The following TANC2 variants were observed in gnomAD, a reference collection of about 807,000 sequenced individuals.
The protein encoded by TANC2 is protein TANC2.
TANC2 carries 26 observed loss-of-function variants against 210.5 expected under a neutral mutation model. The observed-to-expected ratio is 0.12, with a 90% CI of 0.09 to 0.17. The LOEUF is 0.17. TANC2 is among the 10% of genes least tolerant of loss of function. The pLI is 1.00. For missense variants in TANC2, 2,129 were observed against 2,608.9 expected (o/e 0.82, Z 4.01); for synonymous variants, 931 against 967.1 (o/e 0.96, Z 0.69).
intron 7 of TANC2, among the ~76,000 whole-genome samples, chr17:63,209,070 A>G (rs2041807199): frequency 2.0e-5 from 3 of 151,754 alleles, no homozygotes; most frequent in South Asian, 2.1e-4. Context: ...CAGTGTTGCA[A>G]TCTTAGCTCA....
At chr17:63,045,058 A>G (rs935984785) in intron 2 of TANC2, among the ~76,000 whole-genome samples, 10 of 152,150 alleles carry the variant, frequency 6.6e-5, no homozygotes, top group African/African-American at 2.4e-4. Flanking sequence ...AATCATTCCG[A>G]AAAAAAATTA....
At chr17:63,400,641 A>AT (rs991197598) in intron 19 of TANC2, among the ~76,000 whole-genome samples, 276 of 149,176 alleles carry the variant, frequency 1.9e-3, no homozygotes, top group African/African-American at 6.2e-3. Flanking sequence ...TTGTAATATG[A>AT]TTTTTTTTTT....
intron 14 of TANC2, among the ~76,000 whole-genome samples, chr17:63,376,814 CTTTTTTTTT>C (rs771564600): frequency 7.9e-6 from 1 of 125,974 alleles, no homozygotes; most frequent in South Asian, 2.5e-4. Context: ...CCACTGTACT[CTTTTTTTTT>C]TTTTTTTTTT....
intron 2 of TANC2, among the ~76,000 whole-genome samples, chr17:63,059,423 C>CT (rs1352433696): frequency 6.6e-6 from 1 of 152,140 alleles, no homozygotes; most frequent in Admixed American, 6.6e-5. Context: ...TGTTTTTACT[C>CT]TCTTTTGATG....
chr17:63,382,701 A>C (rs1281137671), intron 15 of TANC2, among the ~76,000 whole-genome samples: 1 of 152,234 alleles, frequency 6.6e-6, no homozygotes. Flanking sequence ...TGTCTCCCTT[A>C]GAGATAACTC....
chr17:63,028,888 C>T (rs539203422), intron 2 of TANC2, among the ~76,000 whole-genome samples: 2 of 151,878 alleles, frequency 1.3e-5, no homozygotes, highest in Admixed American at 1.3e-4. Context: ...AAAAGGAAAA[C>T]AATTACTTCA....
chr17:63,404,031 T>G (rs759008475), intron 19 of TANC2, among the ~76,000 whole-genome samples: 1 of 152,210 alleles, frequency 6.6e-6, no homozygotes, highest in Non-Finnish European at 1.5e-5. Flanking sequence ...CCAAATATTA[T>G]CATTTTCTGG....
chr17:63,124,431 T>A (rs2038623594), intron 4 of TANC2, among the ~76,000 whole-genome samples: 3 of 152,206 alleles, frequency 2.0e-5, no homozygotes. Context: ...TCTTGACATA[T>A]GATTCTGCCT....
At chr17:63,411,607 A>T (rs1159591545) in exon 22 of TANC2, 1 of 1,613,966 alleles carries the variant, frequency 6.2e-7, no homozygotes, top group East Asian at 2.2e-5. Flanking sequence ...CTGGTGGATA[A>T]CGGAGCTGCC....
intron 13 of TANC2, among the ~76,000 whole-genome samples, chr17:63,354,006 T>C (rs1305363633): frequency 6.6e-6 from 1 of 151,842 alleles, no homozygotes; most frequent in Non-Finnish European, 1.5e-5. Context: ...TTGTGAAAAA[T>C]GGGAACAGAG....
intron 8 of TANC2, among the ~76,000 whole-genome samples, chr17:63,250,795 A>T (rs1036224921): frequency 1.3e-5 from 2 of 152,196 alleles, no homozygotes; most frequent in African/African-American, 4.8e-5. Flanking sequence ...AAGTAATGTT[A>T]GTAAGTAATG....
chr17:63,320,923 G>T (rs2045473733), intron 11 of TANC2, among the ~76,000 whole-genome samples: 1 of 152,098 alleles, frequency 6.6e-6, no homozygotes, highest in African/African-American at 2.4e-5. Flanking sequence ...TTCTGGCTGG[G>T]CGCAGTGGCT....
rs537311929 is a variant in TANC2, at chr17:63,293,277, G to A, written c.1160-21111G>A. 2.0e-5 allele frequency among the ~76,000 whole-genome samples: 3 copies of A among 152,252 alleles called. No homozygotes were observed. The South Asian group carries it at 6.2e-4, about 32-fold the overall frequency. ...TTAAGAAAAAATAAGTGTGTGTTTT[G>A]CCTTTTGTTTGGTGCTAATGTGATA... On this transcript the variant is annotated intron_variant, in intron 9 of 27. Coordinates refer to ENST00000689528, the Ensembl canonical transcript of TANC2.
chr17:63,422,179 C>G, exon 28 of TANC2: 1 of 522,412 alleles, frequency 1.9e-6, no homozygotes. Flanking sequence ...CACATGCTCT[C>G]TCCCTCTCTT....
chr17:62,967,789 T>G (rs558206815), intron 1 of TANC2: 2 of 151,470 alleles, frequency 1.3e-5, no homozygotes, highest in Non-Finnish European at 2.9e-5. Flanking sequence ...AGAACGGCAG[T>G]ACTAAAATAT....
intron 20 of TANC2, 118 bp downstream of exon 20, chr17:63,405,373 T>C: frequency 1.7e-6 from 2 of 1,173,092 alleles, no homozygotes. Context: ...GTGATCAGGT[T>C]TGAGGACTTG....
chr17:63,334,501 A>G (rs944726268), intron 11 of TANC2, among the ~76,000 whole-genome samples: 1 of 152,348 alleles, frequency 6.6e-6, no homozygotes, highest in African/African-American at 2.4e-5. Context: ...CTTTCTTCCA[A>G]TAGGATTCTA....
chr17:62,993,317 C>T (rs558080164), intron 1 of TANC2, among the ~76,000 whole-genome samples: 2 of 152,080 alleles, frequency 1.3e-5, no homozygotes, highest in East Asian at 1.9e-4. Context: ...GGTCCCTTGC[C>T]GTTTCCACAT....
intron 14 of TANC2, among the ~76,000 whole-genome samples, chr17:63,357,663 T>C (rs1046226711): frequency 6.6e-6 from 1 of 152,260 alleles, no homozygotes; most frequent in African/African-American, 2.4e-5. Flanking sequence ...AGTACTGAAG[T>C]ATTGATCTCA....
Sources: gnomAD v4.1 joint callset for allele counts (sites outside exome capture counted in the v4.1 genomes callset) on GRCh38, gnomAD v4.1.1 for gene constraint, MANE v1.5 for transcripts, NCBI Gene and HGNC (gene_info 2026-07-23, HGNC 2026-07-21) for gene names.